The following MVP variants were observed in gnomAD, a reference collection of about 807,000 sequenced individuals.
The protein encoded by MVP is major vault protein.
In MVP, 62 loss-of-function variants were observed where a neutral mutation model predicts 83.5. The observed-to-expected ratio is 0.74, with a 90% confidence interval of 0.61 to 0.92. The LOEUF (loss-of-function observed/expected upper bound fraction) is 0.92, where lower values mean the gene tolerates loss of function less well. Among genes scored for constraint, MVP ranks in the 40% least tolerant of loss-of-function variants. The pLI is 0.00. For missense variants in MVP, 1,000 were observed against 1,203.4 expected (o/e 0.83, Z 2.50); for synonymous variants, 505 against 504.1 (o/e 1.00, Z -0.02).
At chr16:29,846,914 A>G (rs1234001853) in intron 13 of MVP, among the ~76,000 whole-genome samples, 1 of 152,158 alleles carries the variant, frequency 6.6e-6, no homozygotes. Context: ...GTGGTGCCTC[A>G]GGTCTCTAAC....
chr16:29,823,354 C>G (rs936287662), intron 1 of MVP, among the ~76,000 whole-genome samples: 1 of 151,802 alleles, frequency 6.6e-6, no homozygotes, highest in Non-Finnish European at 1.5e-5. Flanking sequence ...GTCTTGAACT[C>G]CTGGCCTCAA....
chr16:29,831,064 G>A lies in MVP; in HGVS notation c.312G>A (p.Val104=), dbSNP rs1306746830. 6.2e-7 allele frequency: 1 copy of A among 1,611,572 alleles called. No homozygotes were observed. Among genetic ancestry groups the A allele is most frequent in the Non-Finnish European group, 8.5e-7 (1 of 1,179,800 alleles). ...CCTTCCCCCTGTACCCAGGGGAGGT[G>A]CTGGAAAAGGTACCTGGTTTCCTCA... ...QDPFPLYPGE[V]LEKDITPLQV... is the part of the protein sequence containing the mutation. The change falls in exon 3 of 15, where the codon GTG becomes GTA. Residue 104 remains valine (V), a synonymous_variant. Transcript: ENST00000357402.
intron 7 of MVP, 69 bp downstream of exon 7, chr16:29,837,027 C>G (rs2067493663): frequency 1.4e-6 from 2 of 1,399,452 alleles, no homozygotes; most frequent in South Asian, 2.7e-5. Flanking sequence ...ATGAGGCCCT[C>G]TGCCTTCTCT....
chr16:29,836,218 T>C (rs1347089458), intron 6 of MVP, among the ~76,000 whole-genome samples: 1 of 138,730 alleles, frequency 7.2e-6, no homozygotes, highest in Non-Finnish European at 1.5e-5. Flanking sequence ...CAGTGAGCCA[T>C]GATCATGCCA....
intron 14 of MVP, 35 bp downstream of exon 14, chr16:29,847,420 C>A (rs1040310774): frequency 6.6e-6 from 10 of 1,507,616 alleles, no homozygotes; most frequent in African/African-American, 1.4e-5. Context: ...GTTTCAGGAC[C>A]AACCTTGAAA....
At position 29,824,659 on chromosome 16, in the gene MVP, G is replaced by C. The variant is rs576596688; in HGVS notation, c.-36+4149G>C. 1.7e-4 allele frequency among the ~76,000 whole-genome samples: 26 copies of C among 152,300 alleles called. No individual in the cohort carries two copies. In the East Asian group the frequency reaches 2.1e-3, roughly 12 times the overall value. On this transcript the variant is annotated intron_variant, in intron 1 of 14. Coordinates refer to ENST00000357402, the MANE Select transcript of MVP (RefSeq NM_005115.5). ...TGTAATTCCAGCTACTCGGGAGGCT[G>C]AGGCACGAGAATTGCTTGAACCTGG...
Position 29,834,005 on chromosome 16 carries a change from G to A in MVP, c.516G>A (p.Gln172=). ...AGGCCACCATCATCAGGCAGAACCA[G>A]GCTCTGCGGCTCAGGGCCCGCAAGG... is the stretch of plus-strand genomic sequence containing the variant. The part of the protein sequence containing the change: ...IIQATIIRQN[Q]ALRLRARKEC... Residue 172 remains glutamine, a synonymous_variant, in exon 5 of 15, where the codon CAG becomes CAA. Transcript: ENST00000357402. 6.2e-7 allele frequency: 1 copy of A among 1,614,106 alleles called. No individual in the cohort carries two copies.
Position 29,844,647 on chromosome 16 carries a change from C to G in MVP, c.1789C>G (p.Arg597Gly). The G allele has an allele frequency of 2.5e-6, 4 of 1,614,150 alleles. No individual in the cohort carries two copies. The South Asian group carries it at 4.4e-5, about 18-fold the overall frequency. ...CGATGACTTCCATAAGAACTCAGCC[C>G]GCATCATTCGCACTGCTGTCTTTGG... is the stretch of plus-strand genomic sequence containing the variant. ...TFDDFHKNSA[R>G]IIRTAVFGFE... The change falls in exon 11 of 15, where the codon CGC becomes GGC. Residue 597 changes from arginine (R) to glycine (G), a missense_variant. Transcript: ENST00000357402.
chr16:29,824,604 A>G (rs1007911113), intron 1 of MVP, among the ~76,000 whole-genome samples: 5 of 152,084 alleles, frequency 3.3e-5, no homozygotes, highest in East Asian at 1.9e-4. Context: ...CTAAAATACA[A>G]AAAATTAGCC....
chr16:29,841,771 G>T lies in MVP; in HGVS notation c.1367G>T (p.Arg456Leu). The change falls in exon 9 of 15, where the codon CGT becomes CTT. Residue 456 changes from arginine (R) to leucine (L), a missense_variant. Physicochemically the swap from Arg to Leu is moderately radical, Grantham distance 102. Coordinates refer to ENST00000357402, the MANE Select transcript of MVP (RefSeq NM_005115.5). The surrounding 1 kb of genome is among the most constrained non-coding windows in gnomAD (Gnocchi z 4.7). The part of the protein sequence containing the change: ...LQPLAPRNKT[R>L]VVSYRVPHNA... Reference sequence around the variant, plus strand: ...CCCTTGGCGCCCCGGAACAAGACCCGTGTGGTCAGCTACCGCGTGCCCCAC... The same window carrying T: ...CCCTTGGCGCCCCGGAACAAGACCCTTGTGGTCAGCTACCGCGTGCCCCAC... 5 of 1,613,608 alleles carry T rather than the reference G, an allele frequency of 3.1e-6. No individual in the cohort carries two copies. Among genetic ancestry groups the T allele is most frequent in the Non-Finnish European group, 4.2e-6 (5 of 1,179,980 alleles).
In MVP at chr16:29,840,190, T is replaced by G; in HGVS notation, c.922T>G (p.Phe308Val). The change falls in exon 8 of 15, where the codon TTT becomes GTT. Residue 308 changes from phenylalanine (F) to valine (V), a missense_variant. By Grantham distance (50) the Phe-to-Val change is conservative. Transcript: ENST00000357402. ...QKRVVKGEKS[F>V]FLQPGEQLEQ... is the part of the protein sequence containing the mutation. Reference sequence around the variant, plus strand: ...GTCTCCCCACTAGGGAGAGAAGTCTTTTTTCCTCCAGCCAGGAGAGCAGCT... The same window carrying G: ...GTCTCCCCACTAGGGAGAGAAGTCTGTTTTCCTCCAGCCAGGAGAGCAGCT... 6.2e-7 allele frequency: 1 copy of G among 1,609,788 alleles called. No homozygotes were observed. Among genetic ancestry groups the G allele is most frequent in the South Asian group, 1.1e-5 (1 of 90,860 alleles).
chr16:29,834,230 C>T (rs1953442340), intron 5 of MVP, 164 bp downstream of exon 5: 6 of 938,220 alleles, frequency 6.4e-6, no homozygotes, highest in Non-Finnish European at 9.3e-6. Context: ...TTCCCCACCC[C>T]CGCTTCATGC....
At chr16:29,837,029 G>A in intron 7 of MVP, 71 bp downstream of exon 7, 4 of 1,412,814 alleles carry the variant, frequency 2.8e-6, no homozygotes, top group East Asian at 2.4e-5. Flanking sequence ...GAGGCCCTCT[G>A]CCTTCTCTCC....
chr16:29,823,452 C>T (rs1226299418), intron 1 of MVP, among the ~76,000 whole-genome samples: 1 of 151,950 alleles, frequency 6.6e-6, no homozygotes, highest in Non-Finnish European at 1.5e-5. Flanking sequence ...ATTCTCACTT[C>T]ACTGGAGAGG....
Position 29,830,610 on chromosome 16 carries a change from C to A in MVP, c.61C>A (p.Gln21Lys). ...ATACCACTATATCCATGTGCTGGACCAGAACAGCAACGTGTCCCGTGTGGA... is the reference window on the plus strand; with the variant it reads ...ATACCACTATATCCATGTGCTGGACAAGAACAGCAACGTGTCCCGTGTGGA... ...PPYHYIHVLDQNSNVSRVEVG... is the reference protein window; with the variant it reads ...PPYHYIHVLDKNSNVSRVEVG... The change falls in exon 2 of 15, where the codon CAG (glutamine) becomes AAG (lysine). Residue 21 changes from glutamine to lysine, a missense_variant. By Grantham distance (53) the Gln-to-Lys change is moderately conservative (BLOSUM62 1). Coordinates refer to ENST00000357402, the MANE Select transcript of MVP (RefSeq NM_005115.5). 1 of 1,613,998 alleles carries A rather than the reference C, an allele frequency of 6.2e-7. No homozygotes were observed. Among genetic ancestry groups the A allele is most frequent in the Non-Finnish European group, 8.5e-7 (1 of 1,179,986 alleles).
In MVP at chr16:29,840,783, G is replaced by A. The variant is rs934967196; in HGVS notation, c.1191+324G>A. 7.2e-5 allele frequency among the ~76,000 whole-genome samples: 11 copies of A among 152,188 alleles called. No homozygotes were observed. The East Asian group carries it at 1.4e-3, about 19-fold the overall frequency. On this transcript the variant is annotated intron_variant, in intron 8 of 14. Coordinates refer to ENST00000357402, the MANE Select transcript of MVP (RefSeq NM_005115.5). ...ATGGGAAACCCTGTCTCTACTAAAAGTACAAACATTAGTCAGGCGTGGTGG... is the reference window on the plus strand; with the variant it reads ...ATGGGAAACCCTGTCTCTACTAAAAATACAAACATTAGTCAGGCGTGGTGG...
chr16:29,824,235 A>C (rs1034497033), intron 1 of MVP, among the ~76,000 whole-genome samples: 4 of 148,908 alleles, frequency 2.7e-5, no homozygotes, highest in South Asian at 2.1e-4. Context: ...AAAAAAAAAA[A>C]AAAAAACAGA....
At chr16:29,836,577 TAA>T (rs35835626) in intron 6 of MVP, 143 bp from the exon 7 acceptor site, 2,371 of 568,512 alleles carry the variant, frequency 4.2e-3, no homozygotes, top group South Asian at 8.0e-3. Context: ...GACTCCGATT[TAA>T]AAAAAAAAAA....
intron 1 of MVP, among the ~76,000 whole-genome samples, chr16:29,826,640 A>AAT (rs71373203): frequency 6.7e-6 from 1 of 148,728 alleles, no homozygotes; most frequent in Non-Finnish European, 1.5e-5. Context: ...AAAAAAAAAA[A>AAT]GGCCGGGCGT....
Sources: gnomAD v4.1 joint callset for allele counts (sites outside exome capture counted in the v4.1 genomes callset) on GRCh38, gnomAD v4.1.1 for gene constraint, Gnocchi (gnomAD v3.1) non-coding constraint, MANE v1.5 for transcripts, NCBI Gene and HGNC (gene_info 2026-07-23, HGNC 2026-07-21) for gene names.